Variants in PCDHA5 observed in about 807,000 individuals in gnomAD.
PCDHA5 encodes protocadherin alpha 5, also known as protocadherin alpha-5.
In PCDHA5, 43 loss-of-function variants were observed where a neutral mutation model predicts 61.6. That is an observed-to-expected ratio of 0.70 (90% CI 0.55 to 0.90). PCDHA5 has a LOEUF of 0.90. Among genes scored for constraint, PCDHA5 ranks in the 40% least tolerant of loss-of-function variants. The probability of loss-of-function intolerance (pLI) is 0.00; values close to 1 mark genes in which losing one functional copy is unlikely to be tolerated. For missense variants in PCDHA5, 1,298 were observed against 1,222.7 expected (o/e 1.06, Z -0.92); for synonymous variants, 627 against 543.9 (o/e 1.15, Z -2.13).
intron 1 of PCDHA5, among the ~76,000 whole-genome samples, chr5:140,952,764 G>A (rs1554220603): frequency 6.6e-6 from 1 of 152,116 alleles, no homozygotes; most frequent in Non-Finnish European, 1.5e-5. Flanking sequence ...CCTGAGACTG[G>A]ATAATTTAGA....
chr5:141,008,633 A>G (rs1212403774), intron 3 of PCDHA5, among the ~76,000 whole-genome samples: 1 of 152,212 alleles, frequency 6.6e-6, no homozygotes, highest in African/African-American at 2.4e-5. Context: ...AGTATAATTA[A>G]CAATTTCTTC....
chr5:140,967,498 T>G, intron 1 of PCDHA5: 2 of 1,613,108 alleles, frequency 1.2e-6, no homozygotes, highest in Non-Finnish European at 1.7e-6. Flanking sequence ...CACAGATCTC[T>G]GTGCGTGTCC....
chr5:140,936,272 C>T lies in PCDHA5; in HGVS notation c.2353-42677C>T, dbSNP rs1303356923. 2.0e-5 allele frequency among the ~76,000 whole-genome samples: 3 copies of T among 152,254 alleles called. No individual in the cohort carries two copies. In the East Asian group the frequency reaches 5.8e-4, roughly 29 times the overall value. On this transcript the variant is annotated intron_variant, in intron 1 of 3. Transcript: ENST00000529859. Reference sequence around the variant, plus strand: ...TGCTTCAAGTCATGAAGATATATTCCTGTGTTTTCTTCTATAACATTGCTA... The same window carrying T: ...TGCTTCAAGTCATGAAGATATATTCTTGTGTTTTCTTCTATAACATTGCTA...
rs2150114937 is a variant in PCDHA5, at chr5:140,822,258, T to A, written c.483T>A (p.Ile161=). The change falls in exon 1 of 4, where the codon ATT becomes ATA. Residue 161 remains isoleucine (I), a synonymous_variant. Transcript: ENST00000529859. ...FPLEGASDLD[I]GANAQLRYRL... The stretch of plus-strand genomic sequence containing the variant: ...TAGAGGGCGCGTCGGATTTGGATAT[T>A]GGAGCAAATGCACAATTGAGATACA... The A allele has an allele frequency of 2.6e-5, 42 of 1,614,142 alleles. No homozygotes were observed. The highest frequency in any genetic ancestry group is 2.0e-4 in the South Asian group (18 of 91,094).
chr5:141,005,731 A>AAAAAAG (rs2098235322), intron 3 of PCDHA5, among the ~76,000 whole-genome samples: 2 of 149,106 alleles, frequency 1.3e-5, no homozygotes, highest in East Asian at 1.9e-4. Flanking sequence ...AAAAAAAAAA[A>AAAAAAG]GAATGGATGA....
rs2047281878 is a variant in PCDHA5, at chr5:140,862,273, A to T, written c.2352+38146A>T. On this transcript the variant is annotated intron_variant, in intron 1 of 3. Coordinates refer to ENST00000529859, the MANE Select transcript of PCDHA5 (RefSeq NM_018908.3). ...CCAGAGTTAGCAGTAAGTCACTATC[A>T]TTCCCTGTACAGGAGGACGCTCCAC... The T allele has an allele frequency of 1.2e-5, 3 of 240,916 alleles. No individual in the cohort carries two copies. In the South Asian group the frequency reaches 1.9e-4, roughly 15 times the overall value. 14.9% of individuals were successfully genotyped at this position (240,916 alleles called of 1,614,324 possible).
At chr5:140,927,359 A>G in intron 1 of PCDHA5, 2 of 1,613,980 alleles carry the variant, frequency 1.2e-6, no homozygotes, top group Middle Eastern at 1.6e-4. Flanking sequence ...GAGGGAAGCA[A>G]TGGGATACTA....
At chr5:140,833,124 A>G (rs1436920350) in intron 1 of PCDHA5, among the ~76,000 whole-genome samples, 1 of 152,250 alleles carries the variant, frequency 6.6e-6, no homozygotes, top group Non-Finnish European at 1.5e-5. Flanking sequence ...AGTCATTTGA[A>G]AGCTGTCAAA....
rs142945176 is a variant in PCDHA5 at position 140,835,679 on chromosome 5, G to T, written c.2352+11552G>T. 2.3e-4 allele frequency: 379 copies of T among 1,613,738 alleles called. 3 individuals are homozygous for T. Among genetic ancestry groups the T allele is most frequent in the Non-Finnish European group, 3.0e-4 (359 of 1,179,882 alleles). On this transcript the variant is annotated intron_variant, in intron 1 of 3. Transcript: ENST00000529859. ...TGGTTACCGCGCGGGACGGGGGCTC[G>T]CCTTCTCTGTGGGCCACTGCTAGCG...
intron 1 of PCDHA5, chr5:140,843,383 G>C: frequency 6.3e-7 from 1 of 1,596,120 alleles, no homozygotes; most frequent in African/African-American, 1.3e-5. Context: ...TGGCGTTTTG[G>C]GTCCGGAAGC....
intron 1 of PCDHA5, chr5:140,857,755 T>A: frequency 6.3e-7 from 1 of 1,597,184 alleles, no homozygotes; most frequent in Non-Finnish European, 8.6e-7. Flanking sequence ...CGTCTCCCGC[T>A]GGCAGCGCGG....
intron 1 of PCDHA5, among the ~76,000 whole-genome samples, chr5:140,977,005 A>C (rs982594376): frequency 3.3e-5 from 5 of 152,156 alleles, no homozygotes; most frequent in Non-Finnish European, 5.9e-5. Flanking sequence ...AAATCTTGTA[A>C]CTGTGATTCT....
rs782443702 is a variant in PCDHA5 at position 140,824,610 on chromosome 5, G to GTTTT, written c.2352+502_2352+505dup. ...GGACTACATGCACATGCTAATTAAAGTTTTTTTTTTTTTTTTTTTTTTATT... is the reference window on the plus strand; with the variant it reads ...GGACTACATGCACATGCTAATTAAAGTTTTTTTTTTTTTTTTTTTTTTTTTTATT... On this transcript the variant is annotated intron_variant, in intron 1 of 3. Coordinates refer to ENST00000529859, the MANE Select transcript of PCDHA5 (RefSeq NM_018908.3). 941 of 95,090 alleles carry GTTTT rather than the reference G, an allele frequency of 9.9e-3. 171 individuals carry two copies. The highest frequency in any genetic ancestry group is 0.04 in the African/African-American group (820 of 20,550). The allele number at this position is 95,090 out of a possible 1,614,324, so 5.9% of individuals were successfully genotyped here.
intron 1 of PCDHA5, chr5:140,858,779 C>T (rs771428982): frequency 5.0e-6 from 2 of 403,886 alleles, no homozygotes; most frequent in Non-Finnish European, 9.0e-6. Flanking sequence ...ATTAGTACTT[C>T]ATGTTATTTC....
intron 1 of PCDHA5, chr5:140,825,743 A>G (rs1292494101): frequency 1.3e-5 from 2 of 152,438 alleles, no homozygotes; most frequent in Non-Finnish European, 1.5e-5. Context: ...ATTGATGAGG[A>G]GTAACTGTGA....
chr5:140,850,082 G>A lies in PCDHA5; in HGVS notation c.2352+25955G>A. On this transcript the variant is annotated intron_variant, in intron 1 of 3. Coordinates refer to ENST00000529859, the MANE Select transcript of PCDHA5 (RefSeq NM_018908.3). ...AGCCGTTGGACCACGAGGAGCTGGA[G>A]CTGCTACAGTTCCAGGTGAGCGCGC... 2 of 1,596,634 alleles carry A rather than the reference G, an allele frequency of 1.3e-6. 1 individual carries two copies. Among genetic ancestry groups the A allele is most frequent in the Non-Finnish European group, 1.7e-6 (2 of 1,167,856 alleles).
intron 1 of PCDHA5, among the ~76,000 whole-genome samples, chr5:140,893,392 C>T (rs116952410): frequency 6.6e-6 from 1 of 152,112 alleles, no homozygotes; most frequent in African/African-American, 2.4e-5. Context: ...GTGGCTCATG[C>T]CTGTAATCCC....
chr5:140,877,844 G>A lies in PCDHA5; in HGVS notation c.2352+53717G>A, dbSNP rs945643108. The A allele has an allele frequency of 5.1e-6, 8 of 1,568,656 alleles. No homozygotes were observed. In the African/African-American group the frequency reaches 8.3e-5, roughly 16 times the overall value. ...TGTTTAAATCCTCCCAGTGAAGTAA[G>A]TTATTAATATTATTTAGATATATTT... On this transcript the variant is annotated intron_variant, in intron 1 of 3. Coordinates refer to ENST00000529859, the MANE Select transcript of PCDHA5 (RefSeq NM_018908.3).
At chr5:140,866,161 G>A (rs782713244) in intron 1 of PCDHA5, 17 of 152,170 alleles carry the variant, frequency 1.1e-4, no homozygotes, top group East Asian at 1.9e-4. Context: ...AGTAAGAATC[G>A]TTTAACATGT....
Sources: gnomAD v4.1 joint callset for allele counts (sites outside exome capture counted in the v4.1 genomes callset) on GRCh38, gnomAD v4.1.1 for gene constraint, MANE v1.5 for transcripts, NCBI Gene and HGNC (gene_info 2026-07-23, HGNC 2026-07-21) for gene names.